CNTNAP2: variants seen among roughly 807,000 people sequenced by gnomAD.
CNTNAP2 encodes the protein contactin associated protein 2, also known as contactin-associated protein-like 2.
Under a neutral mutation model 155.2 loss-of-function variants are expected in CNTNAP2, and 98 were observed. The ratio of observed to expected loss-of-function variants is 0.63; its 90% confidence interval spans 0.54 to 0.75. The LOEUF (loss-of-function observed/expected upper bound fraction) is 0.75. Among genes scored for constraint, CNTNAP2 ranks in the 30% least tolerant of loss-of-function variants. The pLI is 0.00. For synonymous variants in CNTNAP2, 651 were observed against 631.2 expected (o/e 1.03, Z -0.47); for missense variants, 1,727 against 1,688.1 (o/e 1.02, Z -0.40).
chr7:148,244,594 A>T (rs1585212826), intron 20 of CNTNAP2, among the ~76,000 whole-genome samples: 4 of 142,468 alleles, frequency 2.8e-5, no homozygotes, highest in African/African-American at 2.6e-5. Context: ...ACAGGGTTTC[A>T]CTCTGTCCCC....
In CNTNAP2 at chr7:147,949,689, T is replaced by G. The variant is rs1800891875; in HGVS notation, c.2256-28173T>G. On this transcript the variant is annotated intron_variant, in intron 14 of 23. Coordinates refer to ENST00000361727, the MANE Select transcript of CNTNAP2 (RefSeq NM_014141.6). Reference sequence around the variant, plus strand: ...TAATGCATGGAAAGGTCAGAGAGGTTTCGTACCACTCTGCTGGGTCAGATG... The same window carrying G: ...TAATGCATGGAAAGGTCAGAGAGGTGTCGTACCACTCTGCTGGGTCAGATG... Among the ~76,000 whole-genome samples the G allele has an allele frequency of 3.9e-5, 6 of 152,068 alleles. No homozygotes were observed. The South Asian group carries it at 1.0e-3, about 26-fold the overall frequency.
chr7:146,529,066 C>T (rs1292867888), intron 1 of CNTNAP2, among the ~76,000 whole-genome samples: 1 of 152,028 alleles, frequency 6.6e-6, no homozygotes, highest in African/African-American at 2.4e-5. Flanking sequence ...AAAGATAATG[C>T]TAAAATCATA....
chr7:146,992,174 A>C (rs1354158452), intron 3 of CNTNAP2, among the ~76,000 whole-genome samples: 1 of 152,168 alleles, frequency 6.6e-6, no homozygotes, highest in Non-Finnish European at 1.5e-5. Context: ...ATCCTTTTAT[A>C]TGTGTATTGT....
At chr7:146,268,112 C>T (rs778933388) in intron 1 of CNTNAP2, among the ~76,000 whole-genome samples, 4 of 152,150 alleles carry the variant, frequency 2.6e-5, no homozygotes, top group Non-Finnish European at 5.9e-5. Flanking sequence ...AGAGCTCTCG[C>T]TAAACACAGC....
chr7:147,335,883 A>C lies in CNTNAP2; in HGVS notation c.1498+35593A>C, dbSNP rs368268899. 1.9e-4 allele frequency among the ~76,000 whole-genome samples: 28 copies of C among 144,892 alleles called. 1 individual carries two copies. The highest frequency in any genetic ancestry group is 6.8e-4 in the African/African-American group (27 of 39,908). On this transcript the variant is annotated intron_variant, in intron 9 of 23. Coordinates refer to ENST00000361727, the MANE Select transcript of CNTNAP2 (RefSeq NM_014141.6). ...TACAAATGTGATGTGAAAAAAAATA[A>C]AATTTAGCAGCTGTATCATATTATA... is the stretch of plus-strand genomic sequence containing the variant.
chr7:146,791,210 C>T (rs1350703825), intron 2 of CNTNAP2, among the ~76,000 whole-genome samples: 3 of 152,036 alleles, frequency 2.0e-5, no homozygotes, highest in Non-Finnish European at 2.9e-5. Context: ...CTGTTCCTGC[C>T]TTAGTTTGCT....
intron 8 of CNTNAP2, among the ~76,000 whole-genome samples, chr7:147,237,795 G>A (rs2372912): frequency 0.71 from 107,640 of 152,166 alleles, 38,719 homozygotes; most frequent in African/African-American, 0.82. Flanking sequence ...TAAAGCAGAA[G>A]TATTATGAAA....
intron 8 of CNTNAP2, among the ~76,000 whole-genome samples, chr7:147,274,561 T>C (rs1804850833): frequency 6.6e-6 from 1 of 152,184 alleles, no homozygotes; most frequent in African/African-American, 2.4e-5. Context: ...TCTTTGTAGA[T>C]TCTGGACGTT....
chr7:147,540,909 C>T (rs1799627592), intron 11 of CNTNAP2, among the ~76,000 whole-genome samples: 1 of 151,938 alleles, frequency 6.6e-6, no homozygotes. Context: ...CAGCGTAATC[C>T]AGTGATTGAT....
chr7:146,838,985 T>C lies in CNTNAP2; in HGVS notation c.209-726T>C, dbSNP rs187508943. On this transcript the variant is annotated intron_variant, in intron 2 of 23. Transcript: ENST00000361727. Reference sequence around the variant, plus strand: ...TTTAAATATTACTGTAAATTAAGAATATTGATCTATATGAGTGCCATTTTT... The same window carrying C: ...TTTAAATATTACTGTAAATTAAGAACATTGATCTATATGAGTGCCATTTTT... Among the ~76,000 whole-genome samples, 9 of 152,290 alleles carry C rather than the reference T, an allele frequency of 5.9e-5. No homozygotes were observed. The East Asian group carries it at 1.5e-3, about 26-fold the overall frequency.
intron 1 of CNTNAP2, among the ~76,000 whole-genome samples, chr7:146,351,855 A>T (rs1794919147): frequency 6.6e-6 from 1 of 152,204 alleles, no homozygotes; most frequent in African/African-American, 2.4e-5. Flanking sequence ...TGTGTTGTAA[A>T]TCATCACCTC....
chr7:146,979,158 C>A (rs1206057335), intron 3 of CNTNAP2, among the ~76,000 whole-genome samples: 1 of 152,156 alleles, frequency 6.6e-6, no homozygotes, highest in African/African-American at 2.4e-5. Context: ...CTCCTTAACT[C>A]TTCTGTTCTC....
At chr7:147,190,064 T>A (rs1380301563) in intron 8 of CNTNAP2, among the ~76,000 whole-genome samples, 1 of 152,212 alleles carries the variant, frequency 6.6e-6, no homozygotes, top group Non-Finnish European at 1.5e-5. Context: ...TTTTTGAAGA[T>A]ATCTTTACCT....
intron 21 of CNTNAP2, among the ~76,000 whole-genome samples, chr7:148,329,620 T>C (rs1412244342): frequency 6.6e-6 from 1 of 152,042 alleles, no homozygotes; most frequent in Admixed American, 6.6e-5. Flanking sequence ...CTGGAAAGGA[T>C]TGGAAGGGGA....
intron 1 of CNTNAP2, among the ~76,000 whole-genome samples, chr7:146,279,096 C>T (rs1800209152): frequency 6.6e-6 from 1 of 152,094 alleles, no homozygotes; most frequent in Non-Finnish European, 1.5e-5. Context: ...CTTTTTGAAA[C>T]CTTCTCAAGA....
chr7:148,184,457 T>C (rs1795087169), intron 18 of CNTNAP2, among the ~76,000 whole-genome samples: 1 of 152,228 alleles, frequency 6.6e-6, no homozygotes, highest in Admixed American at 6.5e-5. Flanking sequence ...GACTTATGAT[T>C]TACCTGTGCC....
At chr7:147,694,709 C>T (rs540825143) in intron 13 of CNTNAP2, among the ~76,000 whole-genome samples, 1 of 152,006 alleles carries the variant, frequency 6.6e-6, no homozygotes, top group Non-Finnish European at 1.5e-5. Context: ...GTAGTTGATG[C>T]CTTCTCTCTC....
intron 13 of CNTNAP2, among the ~76,000 whole-genome samples, chr7:147,714,705 G>A (rs994828333): frequency 6.6e-6 from 1 of 151,996 alleles, no homozygotes; most frequent in African/African-American, 2.4e-5. Flanking sequence ...ACGTGTGTGT[G>A]TACTCATGTG....
intron 13 of CNTNAP2, among the ~76,000 whole-genome samples, chr7:147,806,752 A>G (rs1798097509): frequency 6.6e-6 from 1 of 152,204 alleles, no homozygotes; most frequent in South Asian, 2.1e-4. Context: ...AGGCACCAAA[A>G]GGCAAATATT....
Sources: gnomAD v4.1 joint callset for allele counts (sites outside exome capture counted in the v4.1 genomes callset) on GRCh38, gnomAD v4.1.1 for gene constraint, MANE v1.5 for transcripts, NCBI Gene and HGNC (gene_info 2026-07-23, HGNC 2026-07-21) for gene names.